LARP1B: variants seen among roughly 807,000 people sequenced by gnomAD.
LARP1B encodes the protein La ribonucleoprotein 1B.
A neutral mutation model predicts 114.2 loss-of-function variants in LARP1B; 76 were observed. That is an observed-to-expected ratio of 0.67 (90% CI 0.55 to 0.81). LARP1B has a LOEUF of 0.81. Among genes scored for constraint, LARP1B ranks in the 30% least tolerant of loss-of-function variants. The pLI, the probability that LARP1B is intolerant of heterozygous loss-of-function variation, is 0.00. For synonymous variants in LARP1B, 345 were observed against 348.0 expected (o/e 0.99, Z 0.10); for missense variants, 1,014 against 1,075.8 (o/e 0.94, Z 0.80).
At chr4:128,127,119 A>G (rs1789920256) in intron 11 of LARP1B, among the ~76,000 whole-genome samples, 1 of 152,224 alleles carries the variant, frequency 6.6e-6, no homozygotes, top group Non-Finnish European at 1.5e-5. Flanking sequence ...CTATCAACTG[A>G]TAATTGTAGG....
intron 11 of LARP1B, among the ~76,000 whole-genome samples, chr4:128,143,172 C>G (rs1195443664): frequency 2.6e-5 from 4 of 151,994 alleles, no homozygotes; most frequent in Admixed American, 6.6e-5. Context: ...GTAGTCTCAG[C>G]TATTCGGGAG....
At chr4:128,072,336 C>CAAAAA (rs1765699988) in intron 1 of LARP1B, among the ~76,000 whole-genome samples, 1 of 151,828 alleles carries the variant, frequency 6.6e-6, no homozygotes. Flanking sequence ...AAATAATGCT[C>CAAAAA]AAAAAAGATG....
At chr4:128,162,048 C>A in intron 11 of LARP1B, 146 bp from the exon 12 acceptor site, 1 of 623,338 alleles carries the variant, frequency 1.6e-6, no homozygotes, top group Non-Finnish European at 2.8e-6. Context: ...AAGTATAATG[C>A]TAGACTCTTT....
At chr4:128,150,483 G>A (rs1177135737) in intron 11 of LARP1B, among the ~76,000 whole-genome samples, 1 of 151,984 alleles carries the variant, frequency 6.6e-6, no homozygotes, top group Admixed American at 6.6e-5. Flanking sequence ...TGTGGAGACA[G>A]TGTCTCACTG....
chr4:128,061,842 A>G (rs1368315511), intron 1 of LARP1B: 54 of 984,336 alleles, frequency 5.5e-5, no homozygotes, highest in Non-Finnish European at 6.3e-5. Flanking sequence ...GCGGCGAGGG[A>G]GGAGAGGGCC....
intron 11 of LARP1B, among the ~76,000 whole-genome samples, chr4:128,135,949 T>A (rs1371460908): frequency 6.6e-6 from 1 of 151,928 alleles, no homozygotes; most frequent in Non-Finnish European, 1.5e-5. Context: ...AAAATTATTT[T>A]AAAAATCCAA....
At chr4:128,137,791 A>ATATAT (rs1414155026) in intron 11 of LARP1B, among the ~76,000 whole-genome samples, 1,128 of 63,522 alleles carry the variant, frequency 0.018, 14 homozygotes, top group African/African-American at 0.049. Context: ...ATATATATAT[A>ATATAT]TTTTTTTTTT....
At chr4:128,090,568 T>C (rs1580182075) in intron 5 of LARP1B, among the ~76,000 whole-genome samples, 1 of 152,224 alleles carries the variant, frequency 6.6e-6, no homozygotes, top group African/African-American at 2.4e-5. Flanking sequence ...ATATCTTTTC[T>C]CAATTTGTTT....
chr4:128,114,937 T>C (rs567310762), intron 10 of LARP1B, among the ~76,000 whole-genome samples, 195 bp downstream of exon 10: 2 of 152,284 alleles, frequency 1.3e-5, no homozygotes, highest in East Asian at 3.9e-4. Context: ...TTTAAAATGT[T>C]ATTTATTTTT....
chr4:128,199,390 T>A, intron 15 of LARP1B, 49 bp from the exon 16 acceptor site: 1 of 1,428,254 alleles, frequency 7.0e-7, no homozygotes. Context: ...TTCATATACT[T>A]GGTTCTTGAT....
At chr4:128,090,927 A>G in intron 5 of LARP1B, 74 bp from the exon 6 acceptor site, 1 of 1,173,924 alleles carries the variant, frequency 8.5e-7, no homozygotes, top group Non-Finnish European at 1.2e-6. Flanking sequence ...GGTGGCTATT[A>G]TGTTTTCATA....
chr4:128,146,499 A>G (rs1204560761), intron 11 of LARP1B, among the ~76,000 whole-genome samples: 1 of 152,238 alleles, frequency 6.6e-6, no homozygotes, highest in Non-Finnish European at 1.5e-5. Flanking sequence ...TGCAGAAAAT[A>G]TGATTTTATT....
Position 128,107,232 on chromosome 4 carries a change from C to T in LARP1B, c.907C>T (p.Arg303Cys), listed in dbSNP as rs187112542. 133 of 1,614,058 alleles carry T rather than the reference C, an allele frequency of 8.2e-5. No homozygotes were observed. Among genetic ancestry groups the T allele is most frequent in the Admixed American group, 4.0e-4 (24 of 60,016 alleles). ...EKWPIPGPPP[R>C]SVPPTDFSQL... ...ATGGCCAATTCCAGGCCCTCCTCCA[C>T]GCAGTGTGCCACCAACAGACTTCTC... is the stretch of plus-strand genomic sequence containing the variant. The change falls in exon 9 of 20, where the codon CGC becomes TGC. Residue 303 changes from arginine (R) to cysteine (C), a missense_variant. Physicochemically the swap from Arg to Cys is radical, Grantham distance 180 (BLOSUM62 -3). Transcript: ENST00000326639.
At chr4:128,068,645 C>T (rs1764004242) in intron 1 of LARP1B, among the ~76,000 whole-genome samples, 1 of 151,810 alleles carries the variant, frequency 6.6e-6, no homozygotes, top group Non-Finnish European at 1.5e-5. Flanking sequence ...TCTTGGCGGC[C>T]TCAAAGGATT....
intron 12 of LARP1B, among the ~76,000 whole-genome samples, chr4:128,176,016 A>G (rs910970317): frequency 6.6e-6 from 1 of 151,030 alleles, no homozygotes; most frequent in Non-Finnish European, 1.5e-5. Flanking sequence ...TTTCTTTCAC[A>G]AAGGTACTGG....
At chr4:128,220,086 T>C (rs1354238754) in intron 6 of LARP1B, among the ~76,000 whole-genome samples, 2 of 152,120 alleles carry the variant, frequency 1.3e-5, no homozygotes, top group African/African-American at 2.4e-5. Context: ...GGTTTCTCCA[T>C]GTTGGTCAGG....
intron 11 of LARP1B, among the ~76,000 whole-genome samples, chr4:128,145,623 C>T (rs1730008970): frequency 6.6e-6 from 1 of 152,170 alleles, no homozygotes; most frequent in African/African-American, 2.4e-5. Context: ...TTCAACTGTA[C>T]TAAACTCTAA....
intron 11 of LARP1B, among the ~76,000 whole-genome samples, chr4:128,145,286 T>TAA (rs1729853098): frequency 6.6e-6 from 1 of 152,152 alleles, no homozygotes. Context: ...TAGACTCGAG[T>TAA]GTGGACCTTA....
chr4:128,111,824 G>A (rs957542298), intron 9 of LARP1B, among the ~76,000 whole-genome samples: 1 of 151,872 alleles, frequency 6.6e-6, no homozygotes, highest in Admixed American at 6.6e-5. Flanking sequence ...TGGGATTACA[G>A]GTGCCTACCA....
Sources: allele counts gnomAD v4.1 joint callset (sites outside exome capture counted in the v4.1 genomes callset), GRCh38; gene constraint gnomAD v4.1.1; transcripts MANE v1.5; gene names NCBI Gene and HGNC (gene_info 2026-07-23, HGNC 2026-07-21).